The following HS6ST3 variants were observed in gnomAD, a reference collection of about 807,000 sequenced individuals.
HS6ST3 encodes heparan sulfate 6-O-sulfotransferase 3.
In HS6ST3, 12 loss-of-function variants were observed where a neutral mutation model predicts 36.7. That is an observed-to-expected ratio of 0.33 (90% CI 0.21 to 0.53). HS6ST3 has a LOEUF of 0.53. HS6ST3 is among the 20% of genes least tolerant of loss of function. The probability of loss-of-function intolerance (pLI) is 0.95; values close to 1 mark genes in which losing one functional copy is unlikely to be tolerated. For missense variants in HS6ST3, 584 were observed against 640.9 expected, an observed-to-expected ratio of 0.91 and a Z score of 0.96; for synonymous variants, 240 against 257.5, an observed-to-expected ratio of 0.93 and a Z score of 0.65.
At chr13:96,145,796 A>G (rs1339791579) in intron 1 of HS6ST3, among the ~76,000 whole-genome samples, 1 of 152,086 alleles carries the variant, frequency 6.6e-6, no homozygotes, top group East Asian at 1.9e-4. Context: ...GGTCTAACAT[A>G]TAAGTCTTTA....
chr13:96,106,156 A>G (rs1482407131), intron 1 of HS6ST3, among the ~76,000 whole-genome samples: 1 of 152,262 alleles, frequency 6.6e-6, no homozygotes, highest in Non-Finnish European at 1.5e-5. Context: ...TTGTTAAAGT[A>G]TTAACGTCCA....
intron 1 of HS6ST3, among the ~76,000 whole-genome samples, chr13:96,701,050 G>A (rs1021110242): frequency 3.9e-5 from 6 of 152,130 alleles, no homozygotes; most frequent in East Asian, 1.9e-4. Flanking sequence ...GACTTGTTTC[G>A]ATCAGCATAT....
chr13:96,504,899 T>A (rs1273743542), intron 1 of HS6ST3, among the ~76,000 whole-genome samples: 2 of 152,156 alleles, frequency 1.3e-5, no homozygotes, highest in Non-Finnish European at 2.9e-5. Flanking sequence ...AACTGCTAAA[T>A]GTAAAAATAA....
chr13:96,562,060 A>T (rs2056264255), intron 1 of HS6ST3, among the ~76,000 whole-genome samples: 1 of 152,226 alleles, frequency 6.6e-6, no homozygotes, highest in Non-Finnish European at 1.5e-5. Context: ...TCATTCTGCC[A>T]AAAGCACATA....
rs184168985 is a variant in HS6ST3 at position 96,372,872 on chromosome 13, T to A, written c.707+281303T>A. Among the ~76,000 whole-genome samples the A allele has an allele frequency of 7.9e-5, 12 of 152,322 alleles. No homozygotes were observed. The East Asian group carries it at 1.9e-3, about 25-fold the overall frequency. On this transcript the variant is annotated intron_variant, in intron 1 of 1. Transcript: ENST00000376705. ...GTGCTCTTTTAGAATTTGGATTTTT[T>A]AAAATTTCCATCTCGTATTGAACTT...
At chr13:96,486,989 A>G (rs547470314) in intron 1 of HS6ST3, among the ~76,000 whole-genome samples, 1 of 152,166 alleles carries the variant, frequency 6.6e-6, no homozygotes, top group Non-Finnish European at 1.5e-5. Flanking sequence ...GGGAACTCGA[A>G]GAGATAAAAC....
At chr13:96,167,328 C>G (rs923012112) in intron 1 of HS6ST3, among the ~76,000 whole-genome samples, 1 of 152,194 alleles carries the variant, frequency 6.6e-6, no homozygotes, top group Admixed American at 6.5e-5. Flanking sequence ...AAAGAGATAT[C>G]TTTAACTCAT....
At chr13:96,332,720 G>C (rs538800026) in intron 1 of HS6ST3, among the ~76,000 whole-genome samples, 1 of 152,328 alleles carries the variant, frequency 6.6e-6, no homozygotes, top group East Asian at 1.9e-4. Flanking sequence ...TTTACATTTT[G>C]TACAGGAAAT....
At chr13:96,705,614 G>A (rs1875400071) in intron 1 of HS6ST3, among the ~76,000 whole-genome samples, 1 of 152,048 alleles carries the variant, frequency 6.6e-6, no homozygotes, top group African/African-American at 2.4e-5. Flanking sequence ...CTTGAAGGTG[G>A]GTTACTTCCA....
chr13:96,146,365 C>T (rs975724674), intron 1 of HS6ST3, among the ~76,000 whole-genome samples: 1 of 152,080 alleles, frequency 6.6e-6, no homozygotes, highest in Non-Finnish European at 1.5e-5. Context: ...TGAAGAGGTC[C>T]TTCACATCCC....
chr13:96,575,647 C>T (rs565784625), intron 1 of HS6ST3, among the ~76,000 whole-genome samples: 12 of 152,336 alleles, frequency 7.9e-5, no homozygotes, highest in African/African-American at 2.9e-4. Flanking sequence ...GGAATCTTCA[C>T]CCCACCAGGG....
intron 1 of HS6ST3, among the ~76,000 whole-genome samples, chr13:96,311,826 T>C (rs1347787739): frequency 6.6e-6 from 1 of 152,148 alleles, no homozygotes; most frequent in Non-Finnish European, 1.5e-5. Flanking sequence ...CAAGTAGAAC[T>C]TGGAAATAAA....
chr13:96,125,115 A>G (rs1310854626), intron 1 of HS6ST3, among the ~76,000 whole-genome samples: 2 of 152,180 alleles, frequency 1.3e-5, no homozygotes, highest in Non-Finnish European at 2.9e-5. Flanking sequence ...TTTCTAATTT[A>G]TGTTGTACAT....
At chr13:96,469,761 A>G (rs1267000289) in intron 1 of HS6ST3, among the ~76,000 whole-genome samples, 1 of 151,874 alleles carries the variant, frequency 6.6e-6, no homozygotes. Flanking sequence ...GGTGATGGTA[A>G]TGGTGATGTT....
At chr13:96,710,750 A>G (rs1025272967) in intron 1 of HS6ST3, among the ~76,000 whole-genome samples, 1 of 152,206 alleles carries the variant, frequency 6.6e-6, no homozygotes, top group African/African-American at 2.4e-5. Flanking sequence ...ATTCAAGCCA[A>G]GATGCCCCTG....
At chr13:96,308,244 G>T (rs1410717636) in intron 1 of HS6ST3, among the ~76,000 whole-genome samples, 1 of 152,026 alleles carries the variant, frequency 6.6e-6, no homozygotes, top group African/African-American at 2.4e-5. Flanking sequence ...CTTATATACT[G>T]CTTCACTGAA....
At chr13:96,264,555 C>G (rs1442736733) in intron 1 of HS6ST3, among the ~76,000 whole-genome samples, 1 of 152,164 alleles carries the variant, frequency 6.6e-6, no homozygotes, top group African/African-American at 2.4e-5. Context: ...CCTGGTCTCT[C>G]TTTAAAGTTG....
intron 1 of HS6ST3, among the ~76,000 whole-genome samples, chr13:96,729,872 T>A (rs1289143822): frequency 6.6e-6 from 1 of 152,256 alleles, no homozygotes; most frequent in Non-Finnish European, 1.5e-5. Context: ...GGATAGCAAT[T>A]GGCTTTCCAG....
chr13:96,175,514 AT>A (rs1326008114), intron 1 of HS6ST3, among the ~76,000 whole-genome samples: 6 of 151,926 alleles, frequency 3.9e-5, no homozygotes, highest in African/African-American at 9.7e-5. Flanking sequence ...TTTAAAAAAA[AT>A]ATTTCTGCCT....
Sources: allele counts gnomAD v4.1 joint callset (sites outside exome capture counted in the v4.1 genomes callset), GRCh38; gene constraint gnomAD v4.1.1; transcripts MANE v1.5; gene names NCBI Gene and HGNC (gene_info 2026-07-23, HGNC 2026-07-21).